The following ARHGAP31 variants were observed in gnomAD, a reference collection of about 807,000 sequenced individuals.
ARHGAP31 encodes rho GTPase-activating protein 31.
Under a neutral mutation model 113.9 loss-of-function variants are expected in ARHGAP31, and 34 were observed. That is an observed-to-expected ratio of 0.30 (90% CI 0.23 to 0.40). The LOEUF is 0.40. Ranked by LOEUF, ARHGAP31 falls within the 10% of genes least tolerant of loss-of-function variation. ARHGAP31 has a pLI of 1.00. For synonymous variants in ARHGAP31, 650 were observed against 684.8 expected, an observed-to-expected ratio of 0.95 and a Z score of 0.79; for missense variants, 1,548 against 1,767.1, an observed-to-expected ratio of 0.88 and a Z score of 2.22.
At chr3:119,312,563 C>T (rs1484835161) in intron 1 of ARHGAP31, among the ~76,000 whole-genome samples, 3 of 152,082 alleles carry the variant, frequency 2.0e-5, no homozygotes, top group East Asian at 3.8e-4. Flanking sequence ...AAGTACAAGC[C>T]GTCTTCTTCT....
chr3:119,339,791 C>CTTAA (rs1384834091), intron 1 of ARHGAP31, among the ~76,000 whole-genome samples: 15 of 152,012 alleles, frequency 9.9e-5, no homozygotes, highest in African/African-American at 3.6e-4. Flanking sequence ...AGATCACAGA[C>CTTAA]TTAAATATAA....
chr3:119,381,769 G>A (rs369048359), intron 4 of ARHGAP31, among the ~76,000 whole-genome samples: 232 of 152,266 alleles, frequency 1.5e-3, no homozygotes, highest in East Asian at 7.2e-3. Flanking sequence ...GGGCGAGCAC[G>A]AGGTCAGGAG....
intron 1 of ARHGAP31, among the ~76,000 whole-genome samples, chr3:119,353,177 G>C (rs1272196253): frequency 6.6e-6 from 1 of 152,098 alleles, no homozygotes; most frequent in African/African-American, 2.4e-5. Flanking sequence ...TCACAACACT[G>C]TGAGCCCCTG....
Position 119,397,035 on chromosome 3 carries a change from G to A in ARHGAP31, c.1007-2164G>A, listed in dbSNP as rs76099735. On this transcript the variant is annotated intron_variant, in intron 8 of 11. Transcript: ENST00000264245. The stretch of plus-strand genomic sequence containing the variant: ...AGGTCCAGGCTCACCTCTGAGTAAC[G>A]CAGCTAAGAGAGGAGGACTCAAGGA... 2.8e-3 allele frequency among the ~76,000 whole-genome samples: 434 copies of A among 152,336 alleles called. 9 individuals are homozygous for A. The East Asian group carries it at 0.068, about 24-fold the overall frequency.
chr3:119,346,014 T>C (rs115862907), intron 1 of ARHGAP31, among the ~76,000 whole-genome samples: 125 of 152,352 alleles, frequency 8.2e-4, no homozygotes, highest in African/African-American at 2.9e-3. Flanking sequence ...TCCTGACCAG[T>C]TGACTGCCCT....
chr3:119,326,597 AGAGATCTGAT>A (rs2079846525), intron 1 of ARHGAP31, among the ~76,000 whole-genome samples: 1 of 152,246 alleles, frequency 6.6e-6, no homozygotes, highest in Non-Finnish European at 1.5e-5. Flanking sequence ...GAAGTTTTTC[AGAGATCTGAT>A]CTTCCAAATT....
At chr3:119,375,638 A>G (rs770871819) in intron 3 of ARHGAP31, among the ~76,000 whole-genome samples, 1 of 152,206 alleles carries the variant, frequency 6.6e-6, no homozygotes, top group African/African-American at 2.4e-5. Context: ...TAACAACAAC[A>G]TTTATTTTAG....
chr3:119,385,091 A>AT (rs1284614656), intron 6 of ARHGAP31, among the ~76,000 whole-genome samples: 3 of 151,522 alleles, frequency 2.0e-5, no homozygotes, highest in Non-Finnish European at 2.9e-5. Flanking sequence ...CACCTGGCTA[A>AT]TTTTTTTTGT....
intron 1 of ARHGAP31, among the ~76,000 whole-genome samples, chr3:119,350,054 A>C (rs957277626): frequency 2.6e-5 from 4 of 152,148 alleles, no homozygotes; most frequent in Non-Finnish European, 4.4e-5. Context: ...CTTTATTTTT[A>C]ACTTGCACTA....
intron 1 of ARHGAP31, among the ~76,000 whole-genome samples, chr3:119,310,565 CAATCCT>C (rs2079670567): frequency 6.6e-6 from 1 of 152,184 alleles, no homozygotes; most frequent in East Asian, 1.9e-4. Context: ...ATAGGAGCGC[CAATCCT>C]ATTGTGAACT....
At chr3:119,365,448 T>A (rs1433799096) in intron 2 of ARHGAP31, 30 bp downstream of exon 2, 1 of 1,571,994 alleles carries the variant, frequency 6.4e-7, no homozygotes, top group Non-Finnish European at 8.7e-7. Flanking sequence ...CTAAAAGAAT[T>A]CTCCCATGAT....
chr3:119,317,811 T>G (rs965855712), intron 1 of ARHGAP31, among the ~76,000 whole-genome samples: 2 of 152,106 alleles, frequency 1.3e-5, no homozygotes, highest in Non-Finnish European at 2.9e-5. Flanking sequence ...TACTGTGACA[T>G]GGGGTAAGAT....
intron 1 of ARHGAP31, among the ~76,000 whole-genome samples, chr3:119,357,827 G>T (rs1405435716): frequency 6.6e-6 from 1 of 152,116 alleles, no homozygotes; most frequent in African/African-American, 2.4e-5. Flanking sequence ...TGCTGCTTTG[G>T]ATTTATATGT....
At position 119,386,092 on chromosome 3, in the gene ARHGAP31, C is replaced by T. The variant is rs2080445859; in HGVS notation, c.682+2866C>T. On this transcript the variant is annotated intron_variant, in intron 6 of 11. Coordinates refer to ENST00000264245, the MANE Select transcript of ARHGAP31 (RefSeq NM_020754.4). ...GCCTCCAGTGCTTATTATTCACATA[C>T]ATTTCATTTAAAGGTTCTTATTATA... is the stretch of plus-strand genomic sequence containing the variant. 2.0e-5 allele frequency among the ~76,000 whole-genome samples: 3 copies of T among 152,314 alleles called. No homozygotes were observed. In the South Asian group the frequency reaches 6.2e-4, roughly 32 times the overall value.
At position 119,348,742 on chromosome 3, in the gene ARHGAP31, C is replaced by T. The variant is rs186402061; in HGVS notation, c.101-16574C>T. Among the ~76,000 whole-genome samples the T allele has an allele frequency of 1.2e-4, 19 of 152,300 alleles. No homozygotes were observed. The South Asian group carries it at 2.3e-3, about 18-fold the overall frequency. On this transcript the variant is annotated intron_variant, in intron 1 of 11. Transcript: ENST00000264245. ...ATAATGACAAGAGAAAAAGCCTGTA[C>T]GTGTTCAGTACACACACAGCCATCC... is the stretch of plus-strand genomic sequence containing the variant.
At chr3:119,306,597 A>G (rs1187962755) in intron 1 of ARHGAP31, among the ~76,000 whole-genome samples, 1 of 152,156 alleles carries the variant, frequency 6.6e-6, no homozygotes, top group Non-Finnish European at 1.5e-5. Flanking sequence ...TAGGTTGTGT[A>G]ATGTCTGGGT....
intron 1 of ARHGAP31, among the ~76,000 whole-genome samples, chr3:119,336,710 A>T (rs925284418): frequency 6.6e-6 from 1 of 152,244 alleles, no homozygotes; most frequent in African/African-American, 2.4e-5. Context: ...CAATAGTTTT[A>T]GTATAATCAT....
At chr3:119,296,392 GTTTGAGTTTT>G (rs2079534554) in intron 1 of ARHGAP31, among the ~76,000 whole-genome samples, 1 of 152,190 alleles carries the variant, frequency 6.6e-6, no homozygotes, top group African/African-American at 2.4e-5. Context: ...AAATCACTTG[GTTTGAGTTTT>G]TTTGAGTGTG....
At chr3:119,357,448 G>A (rs1247230597) in intron 1 of ARHGAP31, among the ~76,000 whole-genome samples, 2 of 151,568 alleles carry the variant, frequency 1.3e-5, no homozygotes, top group Admixed American at 1.3e-4. Context: ...CTCAGCAATC[G>A]GTGATGAGAC....
Sources: gnomAD v4.1 joint callset for allele counts (sites outside exome capture counted in the v4.1 genomes callset) on GRCh38, gnomAD v4.1.1 for gene constraint, MANE v1.5 for transcripts, NCBI Gene and HGNC (gene_info 2026-07-23, HGNC 2026-07-21) for gene names.